Variants in ZNF746 observed in about 807,000 individuals in gnomAD.
The protein encoded by ZNF746 is parkin-interacting substrate.
Under a neutral mutation model 41.0 loss-of-function variants are expected in ZNF746, and 13 were observed. The ratio of observed to expected loss-of-function variants is 0.32; its 90% confidence interval spans 0.21 to 0.50. ZNF746 has a LOEUF of 0.50. Ranked by LOEUF, ZNF746 falls within the 20% of genes least tolerant of loss-of-function variation. The probability of loss-of-function intolerance (pLI) is 0.98; values close to 1 mark genes in which losing one functional copy is unlikely to be tolerated. For synonymous variants in ZNF746, 424 were observed against 396.2 expected (o/e 1.07, Z -0.83); for missense variants, 811 against 922.9 (o/e 0.88, Z 1.57).
chr7:149,475,286 GCCC>G lies in ZNF746; in HGVS notation c.1078_1080del (p.Gly360del). The G allele has an allele frequency of 6.2e-7, 1 of 1,613,506 alleles. No homozygotes were observed. The highest frequency in any genetic ancestry group is 8.5e-7 in the Non-Finnish European group (1 of 1,179,746). ...CTCTCAGGCCGGGCGGGCTCTCGCA[GCCC>G]CAGCACAGGGTCCTGGCTGGGGAAG... On this transcript the variant is annotated inframe_deletion, in exon 7 of 7. Transcript: ENST00000458143.
chr7:149,486,536 G>A (rs1342067987), intron 4 of ZNF746, among the ~76,000 whole-genome samples: 3 of 152,128 alleles, frequency 2.0e-5, no homozygotes, highest in African/African-American at 4.8e-5. Flanking sequence ...GAAAATGAAT[G>A]AGCTACAGCT....
At chr7:149,486,717 G>A (rs1466170765) in intron 4 of ZNF746, among the ~76,000 whole-genome samples, 1 of 152,130 alleles carries the variant, frequency 6.6e-6, no homozygotes, top group Non-Finnish European at 1.5e-5. Context: ...GAAAGGCAAG[G>A]GACTCTATTT....
In ZNF746 at chr7:149,494,718, A is replaced by C. The variant is rs1444971004; in HGVS notation, c.25-215T>G. On this transcript the variant is annotated intron_variant, in intron 1 of 6. Transcript: ENST00000458143. The surrounding 1 kb of genome is among the most constrained non-coding windows in gnomAD (Gnocchi z 5.6). ...GGGTGCCTTTACTCCAGGCCTCTGC[A>C]GCACAATGCAGACCCTTATCACGGT... 1.3e-5 allele frequency among the ~76,000 whole-genome samples: 2 copies of C among 151,742 alleles called. No individual in the cohort carries two copies. Among genetic ancestry groups the C allele is most frequent in the Non-Finnish European group, 2.9e-5 (2 of 67,978 alleles).
intron 4 of ZNF746, chr7:149,488,880 C>G (rs183515260): frequency 7.2e-5 from 11 of 152,350 alleles, no homozygotes; most frequent in Admixed American, 7.2e-4. Context: ...ACGCTCACTA[C>G]AGTATTGCTT....
At chr7:149,496,895 G>T in intron 1 of ZNF746, 2 of 985,408 alleles carry the variant, frequency 2.0e-6, no homozygotes, top group Non-Finnish European at 2.4e-6. Context: ...ACACTTTCCA[G>T]CTGGGTAAGC....
At chr7:149,482,906 C>G (rs1032680948) in intron 4 of ZNF746, among the ~76,000 whole-genome samples, 7 of 152,052 alleles carry the variant, frequency 4.6e-5, no homozygotes, top group Admixed American at 3.3e-4. Context: ...ATCTAGCCAA[C>G]TAAAGGTTAT....
At chr7:149,492,276 C>T (rs1800830889) in intron 4 of ZNF746, among the ~76,000 whole-genome samples, 1 of 152,208 alleles carries the variant, frequency 6.6e-6, no homozygotes, top group Admixed American at 6.5e-5. Context: ...AGGAGGATGA[C>T]CTTTATGATG....
chr7:149,491,990 C>T lies in ZNF746; in HGVS notation c.565+869G>A, dbSNP rs534372776. 7.1e-6 allele frequency: 5 copies of T among 702,976 alleles called. 1 individual carries two copies. In the Middle Eastern group the frequency reaches 6.9e-4, roughly 97 times the overall value. The allele number at this position is 702,976 out of a possible 1,614,324, so 43.5% of individuals were successfully genotyped here. ...ATTCACCTTAAATAAATGTGTGCTT[C>T]TAATAATACCAAACCATAAGGCTGA... On this transcript the variant is annotated intron_variant, in intron 4 of 6. Coordinates refer to ENST00000458143, the MANE Select transcript of ZNF746 (RefSeq NM_001394198.1).
Position 149,477,738 on chromosome 7 carries a change from G to A in ZNF746, c.583C>T (p.Pro195Ser), listed in dbSNP as rs1254972481. The change falls in exon 5 of 7, where the codon CCC (proline) becomes TCC (serine). Residue 195 changes from proline to serine, a missense_variant. Coordinates refer to ENST00000458143, the MANE Select transcript of ZNF746 (RefSeq NM_001394198.1). ...DPSPGSGPPV[P>S]APDLLMQIKQ... Reference sequence around the variant, plus strand: ...ATCTGCATCAAGAGGTCTGGGGCGGGAACTGGGGGCCCCGAGCCTAGGAAA... The same window carrying A: ...ATCTGCATCAAGAGGTCTGGGGCGGAAACTGGGGGCCCCGAGCCTAGGAAA... The A allele has an allele frequency of 1.2e-6, 2 of 1,606,828 alleles. No individual in the cohort carries two copies. The highest frequency in any genetic ancestry group is 3.3e-5 in the Admixed American group (2 of 59,732).
chr7:149,474,982 G>A lies in ZNF746; in HGVS notation c.1385C>T (p.Ala462Val), dbSNP rs1251276250. Residue 462 changes from alanine (A) to valine (V), a missense_variant, in exon 7 of 7, where the codon GCG (alanine) becomes GTG (valine). Ala to Val is a moderately conservative substitution (Grantham distance 64, BLOSUM62 0). This residue lies in a region of ZNF746 where 495 missense variants were observed against 481.6 expected (regional missense o/e 1.03). Coordinates refer to ENST00000458143, the MANE Select transcript of ZNF746 (RefSeq NM_001394198.1). The surrounding 1 kb of genome is among the most constrained non-coding windows in gnomAD (Gnocchi z 6.3). ...HKPGLKKHPA[A>V]PPGGRPFTCA... ...GGTGAAGGGCCGGCCCCCGGGGGGC[G>A]CCGCGGGGTGCTTCTTCAGCCCTGG... is the stretch of plus-strand genomic sequence containing the variant. The A allele has an allele frequency of 4.5e-6, 7 of 1,547,500 alleles. No homozygotes were observed. The highest frequency in any genetic ancestry group is 3.6e-5 in the South Asian group (3 of 83,854).
rs1562993159 is a variant in ZNF746, at chr7:149,492,868, G to A, written c.556C>T (p.Pro186Ser). 9 of 1,613,116 alleles carry A rather than the reference G, an allele frequency of 5.6e-6. No individual in the cohort carries two copies. Among genetic ancestry groups the A allele is most frequent in the Non-Finnish European group, 6.8e-6 (8 of 1,179,308 alleles). Residue 186 changes from proline to serine, a missense_variant, in exon 4 of 7, where the codon CCC becomes TCC. Physicochemically the swap from Pro to Ser is moderately conservative, Grantham distance 74 (BLOSUM62 -1). Coordinates refer to ENST00000458143, the MANE Select transcript of ZNF746 (RefSeq NM_001394198.1). ...GPKIPDVPVD[P>S]SPGSGPPVPA... ...TTCTCCCAGCCCTTACCTGGACTGGGGTCCACAGGAACATCTGGAATCTTG... is the reference window on the plus strand; with the variant it reads ...TTCTCCCAGCCCTTACCTGGACTGGAGTCCACAGGAACATCTGGAATCTTG...
Position 149,474,780 on chromosome 7 carries a change from C to T in ZNF746, c.1587G>A (p.Gly529=). Residue 529 remains glycine, a synonymous_variant, in exon 7 of 7, where the codon GGG becomes GGA. Transcript: ENST00000458143. The surrounding 1 kb of genome is among the most constrained non-coding windows in gnomAD (Gnocchi z 6.3). ...SARDGSALRC[G]ECGRCFTRPA... ...GGCGCGTGAAGCAACGGCCGCACTCCCCACACCGAAGGGCGCTGCCATCCC... is the reference window on the plus strand; with the variant it reads ...GGCGCGTGAAGCAACGGCCGCACTCTCCACACCGAAGGGCGCTGCCATCCC... The T allele has an allele frequency of 5.1e-6, 8 of 1,555,426 alleles. No individual in the cohort carries two copies. The highest frequency in any genetic ancestry group is 6.1e-6 in the Non-Finnish European group (7 of 1,155,248).
rs762954082 is a variant in ZNF746 at position 149,474,393 on chromosome 7, CCCG to C, written c.1971_1973del (p.Gly658del). On this transcript the variant is annotated inframe_deletion, in exon 7 of 7. Coordinates refer to ENST00000458143, the MANE Select transcript of ZNF746 (RefSeq NM_001394198.1). This position sits in a 1 kb window ranked among gnomAD's most constrained non-coding sequence, Gnocchi z 6.3. ...ATGGGGCTGGAGGCGCTCACATGTC[CCCG>C]CCATCGGTGGGTCCCAGGACGCTGA... 4.3e-5 allele frequency: 69 copies of C among 1,605,762 alleles called. No homozygotes were observed. In the East Asian group the frequency reaches 9.2e-4, roughly 21 times the overall value.
At chr7:149,475,839 C>T (rs982636030) in intron 6 of ZNF746, among the ~76,000 whole-genome samples, 2 of 152,222 alleles carry the variant, frequency 1.3e-5, no homozygotes, top group South Asian at 2.1e-4. Context: ...TCAGACAGCT[C>T]GGCCACACAC....
In ZNF746 at chr7:149,494,495, C is replaced by A; in HGVS notation, c.33G>T (p.Pro11=). 6.2e-7 allele frequency: 1 copy of A among 1,613,126 alleles called. No homozygotes were observed. The highest frequency in any genetic ancestry group is 1.1e-5 in the South Asian group (1 of 91,066). MAEAVAAPIS[P]WTMAATIQAM... is the part of the protein sequence containing the mutation. ...CCTGAATCGTGGCTGCCATCGTCCACGGAGAAATCTTTCAGAAACAAAAGA... is the reference window on the plus strand; with the variant it reads ...CCTGAATCGTGGCTGCCATCGTCCAAGGAGAAATCTTTCAGAAACAAAAGA... Residue 11 remains proline, a synonymous_variant, in exon 2 of 7, where the codon CCG becomes CCT. Transcript: ENST00000458143. This position sits in a 1 kb window ranked among gnomAD's most constrained non-coding sequence, Gnocchi z 5.6.
intron 3 of ZNF746, among the ~76,000 whole-genome samples, chr7:149,493,449 G>A (rs1294835850): frequency 6.6e-6 from 1 of 152,166 alleles, no homozygotes. Flanking sequence ...AACCAGCCCA[G>A]GAAGAAACAG....
intron 3 of ZNF746, among the ~76,000 whole-genome samples, chr7:149,493,430 G>A (rs1192129817): frequency 6.6e-6 from 1 of 152,194 alleles, no homozygotes; most frequent in Admixed American, 6.5e-5. Flanking sequence ...GAAACCATTA[G>A]GAAGAGAAAA....
At chr7:149,478,015 C>G in intron 4 of ZNF746, 1 of 405,212 alleles carries the variant, frequency 2.5e-6, no homozygotes. Context: ...CAGGGCTAGG[C>G]TGGTGGTCCA....
At chr7:149,480,259 C>T (rs1800446533) in intron 4 of ZNF746, among the ~76,000 whole-genome samples, 1 of 152,004 alleles carries the variant, frequency 6.6e-6, no homozygotes, top group Admixed American at 6.6e-5. Flanking sequence ...TGACCAATGA[C>T]TTTGGATATT....
Sources: gnomAD v4.1 joint callset for allele counts (sites outside exome capture counted in the v4.1 genomes callset) on GRCh38, gnomAD v4.1.1 for gene constraint, gnomAD v4.1.1 regional missense constraint, Gnocchi (gnomAD v3.1) non-coding constraint, MANE v1.5 for transcripts, NCBI Gene and HGNC (gene_info 2026-07-23, HGNC 2026-07-21) for gene names.